Variants in OTOGL observed in about 807,000 individuals in gnomAD.
OTOGL encodes the protein otogelin like.
Under a neutral mutation model 318.5 loss-of-function variants are expected in OTOGL, and 285 were observed. The ratio of observed to expected loss-of-function variants is 0.89; its 90% CI spans 0.81 to 0.99. The LOEUF (loss-of-function observed/expected upper bound fraction) is 0.99, where lower values mean the gene tolerates loss of function less well. Among genes scored for constraint, OTOGL ranks in the 50% least tolerant of loss-of-function variants. The probability of loss-of-function intolerance (pLI) is 0.00; values close to 1 mark genes in which losing one functional copy is unlikely to be tolerated. For synonymous variants in OTOGL, 987 were observed against 936.5 expected (o/e 1.05, Z -0.99); for missense variants, 2,899 against 2,845.6 (o/e 1.02, Z -0.43).
At chr12:80,358,610 A>T in intron 50 of OTOGL, 61 bp from the exon 51 acceptor site, 1 of 1,286,666 alleles carries the variant, frequency 7.8e-7, no homozygotes, top group Non-Finnish European at 1.1e-6. Flanking sequence ...ACTAAATGGT[A>T]GGTAATGAGA....
At chr12:80,368,361 T>TGAAGGA (rs1890680955) in intron 55 of OTOGL, 52 bp downstream of exon 55, 3 of 1,430,660 alleles carry the variant, frequency 2.1e-6, no homozygotes. Flanking sequence ...GGAGGAGTTC[T>TGAAGGA]TGAGTCAAAG....
rs977994393 is a variant in OTOGL at position 80,379,966 on chromosome 12, G to T, written c.*1918G>T. ...CATACATATGATATGAGAATGTCCAGAAAGAGATCCCAAAACTTATTAGAA... is the reference window on the plus strand; with the variant it reads ...CATACATATGATATGAGAATGTCCATAAAGAGATCCCAAAACTTATTAGAA... On this transcript the variant is annotated 3_prime_UTR_variant, in exon 59 of 59. Coordinates refer to ENST00000547103, the MANE Select transcript of OTOGL (RefSeq NM_001378609.3). 3 of 151,954 alleles carry T rather than the reference G, an allele frequency of 2.0e-5. No homozygotes were observed. The highest frequency in any genetic ancestry group is 4.4e-5 in the Non-Finnish European group (3 of 67,922). The allele number at this position is 151,954 out of a possible 1,614,324, so 9.4% of individuals were successfully genotyped here.
rs180962450 is a variant in OTOGL at position 80,191,910 on chromosome 12, A to G, written c.-19-17503A>G. On this transcript the variant is annotated intron_variant, in intron 1 of 58. Transcript: ENST00000547103. ...TAGATGAGATTTATATTTTATTGAA[A>G]TATCACTTAGAATTCTAAGCGATAT... 8.5e-5 allele frequency among the ~76,000 whole-genome samples: 13 copies of G among 152,336 alleles called. No individual in the cohort carries two copies. The East Asian group carries it at 2.1e-3, about 25-fold the overall frequency.
intron 44 of OTOGL, among the ~76,000 whole-genome samples, chr12:80,342,945 G>T (rs375251042): frequency 6.6e-6 from 1 of 152,034 alleles, no homozygotes; most frequent in East Asian, 1.9e-4. Flanking sequence ...GTAGTGGCAC[G>T]ATCTCGGCTC....
At chr12:80,146,818 T>A (rs1047739406) in intron 1 of OTOGL, among the ~76,000 whole-genome samples, 80 of 151,612 alleles carry the variant, frequency 5.3e-4, no homozygotes, top group African/African-American at 1.8e-3. Context: ...TTTATCCATT[T>A]CTTCTAGATT....
intron 44 of OTOGL, among the ~76,000 whole-genome samples, chr12:80,344,799 A>G (rs986655963): frequency 1.3e-5 from 2 of 149,618 alleles, no homozygotes; most frequent in African/African-American, 4.9e-5. Flanking sequence ...GATCCTCATT[A>G]AACCCATCAC....
intron 35 of OTOGL, among the ~76,000 whole-genome samples, chr12:80,324,335 TA>T: frequency 1.3e-5 from 2 of 152,158 alleles, no homozygotes; most frequent in Admixed American, 6.6e-5. Flanking sequence ...GAAGAATCTT[TA>T]ATTTGAGAAC....
intron 1 of OTOGL, chr12:80,132,799 C>T (rs1871320896): frequency 6.6e-6 from 1 of 152,150 alleles, no homozygotes; most frequent in South Asian, 2.1e-4. Flanking sequence ...GGTAAATATT[C>T]TAAATGAACG....
In OTOGL at chr12:80,233,069, T is replaced by C. The variant is rs1429270767; in HGVS notation, c.789T>C (p.Ile263=). 2.5e-6 allele frequency: 4 copies of C among 1,596,544 alleles called. No individual in the cohort carries two copies. The highest frequency in any genetic ancestry group is 1.7e-5 in the Admixed American group (1 of 60,010). ...SCGLCGNYND[I]QSDDFIILQE... is the part of the protein sequence containing the mutation. ...GCCTATGTGGAAACTACAATGACAT[T>C]CAATCTGATGATTTCATAATTCTGC... The change falls in exon 9 of 59, where the codon ATT becomes ATC. Residue 263 remains isoleucine, a synonymous_variant. Coordinates refer to ENST00000547103, the MANE Select transcript of OTOGL (RefSeq NM_001378609.3).
chr12:80,147,222 T>G (rs577138198), intron 1 of OTOGL, among the ~76,000 whole-genome samples: 11 of 151,428 alleles, frequency 7.3e-5, no homozygotes, highest in Admixed American at 7.2e-4. Context: ...ACACACTGCT[T>G]TGAATGCGTC....
chr12:80,134,606 A>C (rs898608458), intron 1 of OTOGL, among the ~76,000 whole-genome samples: 26 of 152,190 alleles, frequency 1.7e-4, no homozygotes, highest in Non-Finnish European at 1.2e-4. Flanking sequence ...TGAAACTCTC[A>C]TGCCACATAA....
In OTOGL at chr12:80,108,822, T is replaced by C. The variant is rs901034667; in HGVS notation, c.-20+9217T>C. 1.8e-4 allele frequency among the ~76,000 whole-genome samples: 24 copies of C among 135,208 alleles called. No homozygotes were observed. In the East Asian group the frequency reaches 3.1e-3, roughly 17 times the overall value. The allele number at this position is 135,208 out of a possible 152,430, so 88.7% of individuals were successfully genotyped here. A position where few individuals can be genotyped will look rare whatever the true frequency, so the allele number is the denominator to read the frequency against. ...ATATGTATATATATATGTGTATATA[T>C]ATGTATATATATTGTATATATATGT... On this transcript the variant is annotated intron_variant, in intron 1 of 58. Transcript: ENST00000547103.
chr12:80,261,998 C>T lies in OTOGL; in HGVS notation c.1919C>T (p.Pro640Leu), dbSNP rs369980054. 5 of 1,612,456 alleles carry T rather than the reference C, an allele frequency of 3.1e-6. No homozygotes were observed. The Admixed American group carries it at 5.0e-5, about 16-fold the overall frequency. ...CCATCAGGCATGATAGAAGGTACAC[C>T]ACAACTTCACGCAAATGCGTGGAGA... ...LSPSGMIEGT[P>L]QLHANAWRVS... The change falls in exon 19 of 59, where the codon CCA becomes CTA. Residue 640 changes from proline (P) to leucine (L), a missense_variant. Pro to Leu is a moderately conservative substitution (Grantham distance 98). Around this residue, in one of 3 missense-constraint regions of OTOGL, gnomAD observed 2,607 missense variants for 2,524.9 expected, o/e 1.03. Coordinates refer to ENST00000547103, the MANE Select transcript of OTOGL (RefSeq NM_001378609.3).
Position 80,222,255 on chromosome 12 carries a change from T to C in OTOGL, c.489+10T>C, listed in dbSNP as rs780183721. Reference sequence around the variant, plus strand: ...TCGGTACACTGTATGGGTAGGTGATTGTAGGACATGATTAACTTAAAAATA... The same window carrying C: ...TCGGTACACTGTATGGGTAGGTGATCGTAGGACATGATTAACTTAAAAATA... On this transcript the variant is annotated intron_variant, in intron 7 of 58. Coordinates refer to ENST00000547103, the MANE Select transcript of OTOGL (RefSeq NM_001378609.3). The C allele has an allele frequency of 6.4e-7, 1 of 1,565,156 alleles. No individual in the cohort carries two copies.
At chr12:80,118,393 A>T (rs1870293167) in intron 1 of OTOGL, among the ~76,000 whole-genome samples, 1 of 152,054 alleles carries the variant, frequency 6.6e-6, no homozygotes, top group Non-Finnish European at 1.5e-5. Flanking sequence ...GATTTGGATG[A>T]TCTCACAGCG....
intron 1 of OTOGL, chr12:80,102,957 C>T (rs1210225052): frequency 4.2e-5 from 37 of 872,032 alleles, no homozygotes; most frequent in East Asian, 2.4e-4. Flanking sequence ...TCCTACTTGG[C>T]GAGATTTGGC....
intron 17 of OTOGL, among the ~76,000 whole-genome samples, chr12:80,257,044 C>G (rs757014618): frequency 2.0e-5 from 3 of 152,030 alleles, no homozygotes; most frequent in Non-Finnish European, 4.4e-5. Context: ...ATGTAGGAGG[C>G]ATTTTACATT....
chr12:80,128,749 G>A lies in OTOGL; in HGVS notation c.-20+29144G>A, dbSNP rs7313664. ...CAAGCTTTGGCAATGTCGGGCACCCGTCCCCCAGCCTCGCTGCCGCCTTGC... is the reference window on the plus strand; with the variant it reads ...CAAGCTTTGGCAATGTCGGGCACCCATCCCCCAGCCTCGCTGCCGCCTTGC... On this transcript the variant is annotated intron_variant, in intron 1 of 58. Transcript: ENST00000547103. Among the ~76,000 whole-genome samples, 7 of 151,968 alleles carry A rather than the reference G, an allele frequency of 4.6e-5. No homozygotes were observed. The East Asian group carries it at 5.8e-4, about 13-fold the overall frequency.
At chr12:80,324,307 G>T (rs911508198) in intron 35 of OTOGL, among the ~76,000 whole-genome samples, 1 of 152,192 alleles carries the variant, frequency 6.6e-6, no homozygotes, top group African/African-American at 2.4e-5. Flanking sequence ...GAAGGCACTG[G>T]CCAGGTGGAT....
Sources: allele counts gnomAD v4.1 joint callset (sites outside exome capture counted in the v4.1 genomes callset), GRCh38; gene constraint gnomAD v4.1.1; regional missense constraint gnomAD v4.1.1; transcripts MANE v1.5; gene names NCBI Gene and HGNC (gene_info 2026-07-23, HGNC 2026-07-21).